Variants in LRRC4C observed in about 807,000 individuals in gnomAD.
The protein encoded by LRRC4C is leucine rich repeat containing 4C.
A neutral mutation model predicts 33.6 loss-of-function variants in LRRC4C; 5 were observed. That is an observed-to-expected ratio of 0.15 (90% CI 0.08 to 0.31). LRRC4C has a LOEUF of 0.31. Among genes scored for constraint, LRRC4C ranks in the 10% least tolerant of loss-of-function variants. The pLI is 1.00. For synonymous variants in LRRC4C, 329 were observed against 302.0 expected (o/e 1.09, Z -0.93); for missense variants, 560 against 796.7 (o/e 0.70, Z 3.58).
rs537567413 is a variant in LRRC4C, at chr11:40,788,711, CTCTT to C, written c.-406-140437_-406-140434del. On this transcript the variant is annotated intron_variant, in intron 2 of 6. Coordinates refer to ENST00000528697, the MANE Select transcript of LRRC4C (RefSeq NM_001258419.2). ...TCATTTATGAAGTTATAATGCTTCT[CTCTT>C]CAAATCTTTCCTGGAATGCCATGAA... Among the ~76,000 whole-genome samples, 15 of 152,254 alleles carry C rather than the reference CTCTT, an allele frequency of 9.9e-5. No individual in the cohort carries two copies. In the East Asian group the frequency reaches 2.5e-3, roughly 25 times the overall value.
At chr11:41,037,901 C>T (rs1328643221) in intron 1 of LRRC4C, among the ~76,000 whole-genome samples, 2 of 152,118 alleles carry the variant, frequency 1.3e-5, no homozygotes, top group African/African-American at 4.8e-5. Flanking sequence ...TGGATTTTTA[C>T]CCACATTTAT....
chr11:40,451,222 T>C (rs978739802), intron 3 of LRRC4C, among the ~76,000 whole-genome samples: 9 of 151,446 alleles, frequency 5.9e-5, no homozygotes, highest in Non-Finnish European at 8.8e-5. Context: ...AAAAAATTAG[T>C]GCATCAAAAG....
intron 2 of LRRC4C, among the ~76,000 whole-genome samples, chr11:40,900,805 A>G (rs1023043719): frequency 6.6e-6 from 1 of 152,052 alleles, no homozygotes; most frequent in African/African-American, 2.4e-5. Context: ...AATTTAATAC[A>G]ATTTCATTTA....
At chr11:40,411,154 T>A (rs2137640543) in intron 3 of LRRC4C, among the ~76,000 whole-genome samples, 1 of 152,208 alleles carries the variant, frequency 6.6e-6, no homozygotes, top group African/African-American at 2.4e-5. Flanking sequence ...GACTAAAAAT[T>A]ATATTATTTG....
chr11:40,120,361 T>C (rs1361796770), intron 6 of LRRC4C, among the ~76,000 whole-genome samples: 2 of 152,146 alleles, frequency 1.3e-5, no homozygotes, highest in Admixed American at 6.5e-5. Flanking sequence ...TCCTTGTAAA[T>C]TTAAATATGG....
At chr11:40,374,098 T>C (rs1047625074) in intron 3 of LRRC4C, among the ~76,000 whole-genome samples, 1 of 152,170 alleles carries the variant, frequency 6.6e-6, no homozygotes, top group Non-Finnish European at 1.5e-5. Context: ...ACAAGCTTTG[T>C]CAAATGGGAG....
intron 1 of LRRC4C, among the ~76,000 whole-genome samples, chr11:41,013,637 T>C (rs1281402697): frequency 6.6e-6 from 1 of 152,192 alleles, no homozygotes; most frequent in East Asian, 1.9e-4. Flanking sequence ...ATATTTCTTA[T>C]AGTTTTAGAG....
chr11:40,693,633 G>A (rs1945333414), intron 2 of LRRC4C, among the ~76,000 whole-genome samples: 2 of 152,098 alleles, frequency 1.3e-5, no homozygotes, highest in African/African-American at 4.8e-5. Context: ...AGGTGAGCCA[G>A]ATAAACAAGA....
chr11:41,374,104 A>G (rs1413131369), intron 1 of LRRC4C, among the ~76,000 whole-genome samples: 1 of 152,140 alleles, frequency 6.6e-6, no homozygotes, highest in African/African-American at 2.4e-5. Context: ...ACTTCCCCCA[A>G]ACTTCTAGAC....
At chr11:40,595,702 G>A (rs746618894) in intron 3 of LRRC4C, among the ~76,000 whole-genome samples, 6 of 151,668 alleles carry the variant, frequency 4.0e-5, no homozygotes, top group Non-Finnish European at 8.8e-5. Flanking sequence ...CCATTCAAAC[G>A]CCTATCTTTA....
chr11:40,519,445 C>A (rs957780814), intron 3 of LRRC4C, among the ~76,000 whole-genome samples: 1 of 152,064 alleles, frequency 6.6e-6, no homozygotes, highest in Non-Finnish European at 1.5e-5. Flanking sequence ...TTCTTAGGTG[C>A]CTTCTTTCCT....
At chr11:40,139,409 G>T (rs888366286) in intron 6 of LRRC4C, among the ~76,000 whole-genome samples, 1 of 152,190 alleles carries the variant, frequency 6.6e-6, no homozygotes, top group Non-Finnish European at 1.5e-5. Context: ...TAGCATTTAG[G>T]ATTCAACAAA....
At chr11:40,699,071 C>A (rs1396247171) in intron 2 of LRRC4C, among the ~76,000 whole-genome samples, 1 of 152,144 alleles carries the variant, frequency 6.6e-6, no homozygotes, top group African/African-American at 2.4e-5. Context: ...CCTGTCCCAC[C>A]ACACACATAC....
chr11:40,577,064 T>C (rs78915439), intron 3 of LRRC4C, among the ~76,000 whole-genome samples: 3,223 of 152,296 alleles, frequency 0.021, 43 homozygotes, highest in Non-Finnish European at 0.033. Flanking sequence ...CTTCTGTCCT[T>C]AAAACAGTAA....
chr11:40,720,325 G>A (rs1005327736), intron 2 of LRRC4C, among the ~76,000 whole-genome samples: 1 of 152,112 alleles, frequency 6.6e-6, no homozygotes, highest in African/African-American at 2.4e-5. Flanking sequence ...AGTTCAAACT[G>A]TCAGAAAAGA....
intron 4 of LRRC4C, among the ~76,000 whole-genome samples, chr11:40,265,581 G>A (rs1202139987): frequency 6.6e-6 from 1 of 152,194 alleles, no homozygotes; most frequent in Non-Finnish European, 1.5e-5. Flanking sequence ...CTGGAGGATA[G>A]ACACAGCAGG....
At chr11:40,226,094 T>C (rs764804282) in intron 5 of LRRC4C, among the ~76,000 whole-genome samples, 1 of 152,212 alleles carries the variant, frequency 6.6e-6, no homozygotes, top group African/African-American at 2.4e-5. Flanking sequence ...TCCAGTTTTA[T>C]AAAAAAGTAC....
chr11:40,788,692 A>G (rs1016093769), intron 2 of LRRC4C, among the ~76,000 whole-genome samples: 1 of 152,192 alleles, frequency 6.6e-6, no homozygotes, highest in Non-Finnish European at 1.5e-5. Flanking sequence ...AAAATCATTT[A>G]TGAAGTTATA....
At chr11:40,990,071 GGTAAGA>G (rs1853401877) in intron 1 of LRRC4C, among the ~76,000 whole-genome samples, 1 of 150,656 alleles carries the variant, frequency 6.6e-6, no homozygotes, top group Admixed American at 6.6e-5. Context: ...GTATCTGCAG[GGTAAGA>G]GGGTCTGGAA....
Sources: allele counts gnomAD v4.1 joint callset (sites outside exome capture counted in the v4.1 genomes callset), GRCh38; gene constraint gnomAD v4.1.1; transcripts MANE v1.5; gene names NCBI Gene and HGNC (gene_info 2026-07-23, HGNC 2026-07-21).